PMP22: variants seen among roughly 807,000 people sequenced by gnomAD.
PMP22 encodes Charcot-Marie-Tooth neuropathy 1A (greatly reduced nerve conduction velocity, hereditary motor sensory neuropathy Ia).
Under a neutral mutation model 18.9 loss-of-function variants are expected in PMP22, and 2 were observed. The observed-to-expected ratio is 0.11, with a 90% confidence interval of 0.04 to 0.33. The LOEUF (loss-of-function observed/expected upper bound fraction) is 0.33. PMP22 is among the 10% of genes least tolerant of loss of function. The probability of loss-of-function intolerance (pLI) is 1.00; values close to 1 mark genes in which losing one functional copy is unlikely to be tolerated. For synonymous variants in PMP22, 95 were observed against 89.2 expected (o/e 1.07, Z -0.37); for missense variants, 169 against 202.2 (o/e 0.84, Z 1.00).
At chr17:15,249,456 G>A (rs571225548) in intron 3 of PMP22, among the ~76,000 whole-genome samples, 26 of 152,214 alleles carry the variant, frequency 1.7e-4, no homozygotes, top group Non-Finnish European at 3.5e-4. Context: ...CACTGGGGGT[G>A]CAGAGAAGTC....
chr17:15,248,928 C>G (rs539631760), intron 3 of PMP22, among the ~76,000 whole-genome samples: 2 of 152,318 alleles, frequency 1.3e-5, no homozygotes, highest in African/African-American at 4.8e-5. Flanking sequence ...GTTGCAATTG[C>G]AGTCATGAAC....
chr17:15,245,299 G>C lies in PMP22; in HGVS notation c.179-5688C>G, dbSNP rs114435039. Among the ~76,000 whole-genome samples the C allele has an allele frequency of 5.5e-3, 838 of 152,294 alleles. 8 individuals carry two copies. The highest frequency in any genetic ancestry group is 0.019 in the African/African-American group (799 of 41,570). On this transcript the variant is annotated intron_variant, in intron 3 of 4. Transcript: ENST00000312280. Reference sequence around the variant, plus strand: ...ACAGGTAACAACCAGCGCAGTAAGAGACAGCAGATATCACACACTCCAGAA... The same window carrying C: ...ACAGGTAACAACCAGCGCAGTAAGACACAGCAGATATCACACACTCCAGAA...
At chr17:15,239,302 C>T in intron 4 of PMP22, 169 bp downstream of exon 4, 2 of 745,430 alleles carry the variant, frequency 2.7e-6, no homozygotes. Flanking sequence ...AAGACACATA[C>T]AGGTACACAC....
At chr17:15,252,871 T>A (rs1908483017) in intron 3 of PMP22, among the ~76,000 whole-genome samples, 1 of 152,230 alleles carries the variant, frequency 6.6e-6, no homozygotes, top group Non-Finnish European at 1.5e-5. Context: ...AAGCCAGGAC[T>A]GTGCCCTTCT....
intron 1 of PMP22, among the ~76,000 whole-genome samples, chr17:15,262,137 A>C (rs1909392854): frequency 6.6e-6 from 1 of 152,230 alleles, no homozygotes; most frequent in Non-Finnish European, 1.5e-5. Flanking sequence ...TGTGTCCCAG[A>C]GTCAACGCCT....
At chr17:15,265,003 G>C (rs1457285672) in intron 1 of PMP22, among the ~76,000 whole-genome samples, 151 bp downstream of exon 1, 1 of 152,100 alleles carries the variant, frequency 6.6e-6, no homozygotes, top group Non-Finnish European at 1.5e-5. Context: ...GATATAAAAA[G>C]CCCTCTGAAT....
intron 1 of PMP22, among the ~76,000 whole-genome samples, chr17:15,263,017 TC>T (rs1434245702): frequency 6.6e-6 from 1 of 152,140 alleles, no homozygotes; most frequent in African/African-American, 2.4e-5. Context: ...CCCTCTCCTC[TC>T]GGGTCCTGGA....
At chr17:15,253,371 C>G (rs1449561666) in intron 3 of PMP22, among the ~76,000 whole-genome samples, 1 of 152,114 alleles carries the variant, frequency 6.6e-6, no homozygotes, top group East Asian at 1.9e-4. Flanking sequence ...ACAGGTAAGG[C>G]AGCAAAAGAA....
chr17:15,265,041 C>G (rs2150716544), intron 1 of PMP22, 113 bp downstream of exon 1: 1 of 152,216 alleles, frequency 6.6e-6, no homozygotes, highest in East Asian at 1.9e-4. Context: ...ACAAATGCAC[C>G]ATCTCTCCTG....
intron 4 of PMP22, among the ~76,000 whole-genome samples, chr17:15,237,452 G>A (rs1906910478): frequency 6.6e-6 from 1 of 152,212 alleles, no homozygotes; most frequent in African/African-American, 2.4e-5. Context: ...TTTTCAATGT[G>A]ACTGGGTCTT....
chr17:15,262,551 G>C (rs1172754949), intron 1 of PMP22: 1 of 152,152 alleles, frequency 6.6e-6, no homozygotes, highest in Non-Finnish European at 1.5e-5. Context: ...AAGCAAGGGG[G>C]CAGTGGGAGG....
intron 4 of PMP22, among the ~76,000 whole-genome samples, chr17:15,239,037 T>C (rs1197050649): frequency 6.6e-6 from 1 of 152,216 alleles, no homozygotes; most frequent in African/African-American, 2.4e-5. Context: ...ACATACCTGA[T>C]AACTACTTTG....
At chr17:15,259,017 A>ATTCTG in intron 3 of PMP22, 77 bp downstream of exon 3, 1 of 1,067,026 alleles carries the variant, frequency 9.4e-7, no homozygotes. Context: ...TCTTCCAATA[A>ATTCTG]GCGTTTCCAG....
chr17:15,263,195 T>C (rs1376898924), intron 1 of PMP22, among the ~76,000 whole-genome samples: 2 of 152,158 alleles, frequency 1.3e-5, no homozygotes, highest in Non-Finnish European at 2.9e-5. Context: ...GGCCGACTAC[T>C]GGATAGCATG....
chr17:15,259,938 CAAAAAAAAAAA>C (rs61415317), intron 2 of PMP22, among the ~76,000 whole-genome samples: 1 of 97,876 alleles, frequency 1.0e-5, no homozygotes, highest in Non-Finnish European at 2.2e-5. Flanking sequence ...GACTCCATCT[CAAAAAAAAAAA>C]AAAAAAGAAA....
chr17:15,257,273 A>G (rs985823489), intron 3 of PMP22, among the ~76,000 whole-genome samples: 1 of 152,244 alleles, frequency 6.6e-6, no homozygotes, highest in African/African-American at 2.4e-5. Context: ...CCAAATGTCA[A>G]TCTGTAACAT....
intron 4 of PMP22, chr17:15,232,494 A>T (rs750163933): frequency 1.3e-4 from 20 of 152,188 alleles, no homozygotes; most frequent in Non-Finnish European, 2.5e-4. Flanking sequence ...GAGGTCCAGG[A>T]TCCTTAATTA....
At chr17:15,248,058 C>G (rs573518011) in intron 3 of PMP22, among the ~76,000 whole-genome samples, 21 of 152,352 alleles carry the variant, frequency 1.4e-4, no homozygotes, top group African/African-American at 4.3e-4. Flanking sequence ...GGCCTCCATC[C>G]TAAACAATGT....
At chr17:15,254,748 G>A (rs1908679313) in intron 3 of PMP22, among the ~76,000 whole-genome samples, 3 of 151,988 alleles carry the variant, frequency 2.0e-5, no homozygotes, top group Admixed American at 6.6e-5. Context: ...ACCTGAGGTC[G>A]GGAGTTCGAG....
Sources: gnomAD v4.1 joint callset for allele counts (sites outside exome capture counted in the v4.1 genomes callset) on GRCh38, gnomAD v4.1.1 for gene constraint, MANE v1.5 for transcripts, NCBI Gene and HGNC (gene_info 2026-07-23, HGNC 2026-07-21) for gene names.